Variants in IFNAR1 observed in about 807,000 individuals in gnomAD.
IFNAR1 encodes interferon alpha/beta receptor 1.
In IFNAR1, 47 loss-of-function variants were observed where a neutral mutation model predicts 62.1. The ratio of observed to expected loss-of-function variants is 0.76; its 90% CI spans 0.60 to 0.97. The LOEUF is 0.97. IFNAR1 is among the 50% of genes least tolerant of loss of function. The pLI, the probability that IFNAR1 is intolerant of heterozygous loss-of-function variation, is 0.00. For missense variants in IFNAR1, 638 were observed against 654.5 expected, an observed-to-expected ratio of 0.97 and a Z score of 0.27; for synonymous variants, 219 against 226.9, an observed-to-expected ratio of 0.97 and a Z score of 0.31.
Position 33,338,140 on chromosome 21 carries a change from A to G in IFNAR1, c.200+2493A>G, listed in dbSNP as rs17875805. Among the ~76,000 whole-genome samples, 1,057 of 152,344 alleles carry G rather than the reference A, an allele frequency of 6.9e-3. 10 individuals are homozygous for G. The highest frequency in any genetic ancestry group is 0.024 in the African/African-American group (1,012 of 41,572). On this transcript the variant is annotated intron_variant, in intron 2 of 10. Transcript: ENST00000270139. ...AGAAAACATACAGTGGCCAACAAGT[A>G]TGTGAAAAAATGGTCAACATCACTC... is the stretch of plus-strand genomic sequence containing the variant.
At chr21:33,336,559 A>G (rs559241939) in intron 2 of IFNAR1, among the ~76,000 whole-genome samples, 2 of 151,592 alleles carry the variant, frequency 1.3e-5, no homozygotes, top group East Asian at 3.9e-4. Context: ...AAGTGTTCCT[A>G]TTTCTCCACA....
rs1249616836 is a variant in IFNAR1, at chr21:33,357,198, G to C, written c.*1649G>C. On this transcript the variant is annotated 3_prime_UTR_variant, in exon 11 of 11. Coordinates refer to ENST00000270139, the MANE Select transcript of IFNAR1 (RefSeq NM_000629.3). ...TCCGACAGGGACCAGTGAAAGAAAA[G>C]AGACAAAGTTAGAACGTGCTGGGGA... 6.6e-6 allele frequency: 1 copy of C among 152,236 alleles called. No homozygotes were observed. Among genetic ancestry groups the C allele is most frequent in the African/African-American group, 2.4e-5 (1 of 41,442 alleles). The allele number at this position is 152,236 out of a possible 1,614,324, so 9.4% of individuals were successfully genotyped here.
rs1157643518 is a variant in IFNAR1 at position 33,335,661 on chromosome 21, C to T, written c.200+14C>T. The T allele has an allele frequency of 1.3e-6, 2 of 1,513,022 alleles. No homozygotes were observed. The highest frequency in any genetic ancestry group is 4.2e-5 in the Admixed American group (2 of 48,116). 93.7% of individuals were successfully genotyped at this position (1,513,022 alleles called of 1,614,324 possible). A position where few individuals can be genotyped will look rare whatever the true frequency, so the allele number is the denominator to read the frequency against. On this transcript the variant is annotated intron_variant, in intron 2 of 10. Transcript: ENST00000270139. ...CGATTATCAAAAGTATGTGACTCTA[C>T]TTACTGATTTGTCAGAATGACCTGA...
chr21:33,334,740 TC>T (rs1187778687), intron 1 of IFNAR1: 2 of 796,616 alleles, frequency 2.5e-6, no homozygotes, highest in Non-Finnish European at 4.5e-6. Flanking sequence ...CGCAGGGTGA[TC>T]CAGGTGTGTG....
chr21:33,324,796 T>C, upstream of IFNAR1: 1 of 519,094 alleles, frequency 1.9e-6, no homozygotes, highest in Admixed American at 3.3e-5. Context: ...CGCACAGGGG[T>C]GCTGCAATTA....
chr21:33,341,003 G>C lies in IFNAR1; in HGVS notation c.205G>C (p.Gly69Arg). The change falls in exon 3 of 11, where the codon GGG (glycine) becomes CGG (arginine). Residue 69 changes from glycine to arginine, a missense_variant. Physicochemically the swap from Gly to Arg is moderately radical, Grantham distance 125 (BLOSUM62 -2). Transcript: ENST00000270139. The stretch of plus-strand genomic sequence containing the variant: ...TTTGTTTTTTTTACTTTAAAGAACT[G>C]GGATGGATAATTGGATAAAATTGTC... ...VTFSFDYQKT[G>R]MDNWIKLSGC... 6.2e-7 allele frequency: 1 copy of C among 1,602,448 alleles called. No homozygotes were observed. Among genetic ancestry groups the C allele is most frequent in the Admixed American group, 1.7e-5 (1 of 59,396 alleles).
chr21:33,354,321 G>GTC (rs2123274498), intron 10 of IFNAR1, among the ~76,000 whole-genome samples: 1 of 152,230 alleles, frequency 6.6e-6, no homozygotes, highest in Admixed American at 6.5e-5. Context: ...CAGCCTGGGT[G>GTC]ACAGAGCAAG....
intron 1 of IFNAR1, among the ~76,000 whole-genome samples, chr21:33,327,990 T>C (rs905070268): frequency 2.0e-5 from 3 of 152,208 alleles, no homozygotes; most frequent in East Asian, 1.9e-4. Flanking sequence ...AATTTTATCA[T>C]GCAGATCAAG....
intron 3 of IFNAR1, among the ~76,000 whole-genome samples, chr21:33,342,620 A>G (rs1169735618): frequency 6.6e-6 from 1 of 151,218 alleles, no homozygotes. Context: ...CAAGGCGGGC[A>G]GATCACGAGG....
intron 6 of IFNAR1, among the ~76,000 whole-genome samples, chr21:33,348,387 A>G (rs139148218): frequency 2.2e-4 from 33 of 152,354 alleles, no homozygotes; most frequent in African/African-American, 7.5e-4. Flanking sequence ...CCACTATCAT[A>G]TAGCTACAAT....
chr21:33,325,211 G>A, intron 1 of IFNAR1, 80 bp downstream of exon 1: 2 of 1,235,606 alleles, frequency 1.6e-6, no homozygotes, highest in South Asian at 2.5e-5. Context: ...CGATGCTGTT[G>A]GGGGCGACAG....
In IFNAR1 at chr21:33,341,098, T is replaced by C; in HGVS notation, c.300T>C (p.Ile100=). The change falls in exon 3 of 11, where the codon ATT becomes ATC. Residue 100 remains isoleucine (I), a synonymous_variant. Transcript: ENST00000270139. ...SSLKLNVYEE[I]KLRIRAEKEN... is the part of the protein sequence containing the mutation. ...TCAAGCTGAATGTTTATGAAGAAAT[T>C]AAATTGCGTATAAGAGCAGAAAAAG... is the stretch of plus-strand genomic sequence containing the variant. The C allele has an allele frequency of 6.2e-7, 1 of 1,613,096 alleles. No individual in the cohort carries two copies. The highest frequency in any genetic ancestry group is 8.5e-7 in the Non-Finnish European group (1 of 1,179,194).
In IFNAR1 at chr21:33,349,499, C is replaced by T. The variant is rs2083380786; in HGVS notation, c.1099C>T (p.Leu367=). 1.2e-6 allele frequency: 2 copies of T among 1,612,012 alleles called. No homozygotes were observed. Among genetic ancestry groups the T allele is most frequent in the Non-Finnish European group, 1.7e-6 (2 of 1,178,384 alleles). ...GNTPVIQDYP[L]IYEIIFWENT... ...CACGCCTGTGATCCAGGATTATCCA[C>T]TGATTTATGAAATTATTTTTTGGGA... The change falls in exon 8 of 11, where the codon CTG becomes TTG. Residue 367 remains leucine, a synonymous_variant. Coordinates refer to ENST00000270139, the MANE Select transcript of IFNAR1 (RefSeq NM_000629.3).
intron 3 of IFNAR1, among the ~76,000 whole-genome samples, chr21:33,342,851 C>T (rs1425036279): frequency 3.3e-5 from 5 of 151,494 alleles, no homozygotes; most frequent in African/African-American, 9.7e-5. Context: ...AGCGAGACTC[C>T]GTCTCAAAAA....
At chr21:33,345,553 G>A (rs557548933) in intron 6 of IFNAR1, among the ~76,000 whole-genome samples, 193 bp downstream of exon 6, 26 of 152,230 alleles carry the variant, frequency 1.7e-4, no homozygotes, top group South Asian at 4.1e-4. Context: ...TGAGCTAATC[G>A]CTTAACCTCC....
In IFNAR1 at chr21:33,352,755, T is replaced by C. The variant is rs368172716; in HGVS notation, c.1144-3T>C. The C allele has an allele frequency of 4.0e-5, 58 of 1,450,498 alleles. No homozygotes were observed. In the African/African-American group the frequency reaches 7.6e-4, roughly 19 times the overall value. The allele number at this position is 1,450,498 out of a possible 1,614,324, so 89.9% of individuals were successfully genotyped here. On this transcript the variant is annotated splice_region_variant and splice_polypyrimidine_tract_variant and intron_variant, in intron 8 of 10. Transcript: ENST00000270139. ...TTATCAGTGATTTAATTATATTTTC[T>C]AGAGAAAAATTATCGAGAAAAAAAC...
At position 33,357,280 on chromosome 21, in the gene IFNAR1, T is replaced by G. The variant is rs547984612; in HGVS notation, c.*1731T>G. On this transcript the variant is annotated 3_prime_UTR_variant, in exon 11 of 11. Coordinates refer to ENST00000270139, the MANE Select transcript of IFNAR1 (RefSeq NM_000629.3). ...TAGTCATTTCTGCTGAAAAAACAGA[T>G]GATCCTGGTGGAAGAAAAGGTTGAA... 6.6e-6 allele frequency: 1 copy of G among 152,184 alleles called. No individual in the cohort carries two copies. The highest frequency in any genetic ancestry group is 1.5e-5 in the Non-Finnish European group (1 of 68,056). 9.4% of individuals were successfully genotyped at this position (152,184 alleles called of 1,614,324 possible).
intron 10 of IFNAR1, among the ~76,000 whole-genome samples, 171 bp from the exon 11 acceptor site, chr21:33,355,145 T>C (rs1427844770): frequency 1.3e-5 from 2 of 152,208 alleles, no homozygotes; most frequent in Non-Finnish European, 2.9e-5. Flanking sequence ...CTAATGATGC[T>C]TTTAAACATT....
intron 1 of IFNAR1, among the ~76,000 whole-genome samples, chr21:33,328,777 G>A (rs192765688): frequency 6.6e-5 from 10 of 152,130 alleles, no homozygotes; most frequent in Non-Finnish European, 7.4e-5. Context: ...CATTTTGGTC[G>A]TGAAAATGAA....
Sources: gnomAD v4.1 joint callset for allele counts (sites outside exome capture counted in the v4.1 genomes callset) on GRCh38, gnomAD v4.1.1 for gene constraint, MANE v1.5 for transcripts, NCBI Gene and HGNC (gene_info 2026-07-23, HGNC 2026-07-21) for gene names.